The following UST variants were observed in gnomAD, a reference collection of about 807,000 sequenced individuals.
UST encodes chondroitin sulfate 2-O-sulfotransferase.
UST carries 21 observed loss-of-function variants against 45.6 expected under a neutral mutation model. That is an observed-to-expected ratio of 0.46 (90% confidence interval 0.33 to 0.66). The LOEUF (loss-of-function observed/expected upper bound fraction) is 0.66. Ranked by LOEUF, UST falls within the 30% of genes least tolerant of loss-of-function variation. The probability of loss-of-function intolerance (pLI) is 0.02; values close to 1 mark genes in which losing one functional copy is unlikely to be tolerated. For missense variants in UST, 463 were observed against 512.4 expected (o/e 0.90, Z 0.93); for synonymous variants, 215 against 200.6 (o/e 1.07, Z -0.61).
At chr6:149,030,065 T>A (rs994545478) in intron 7 of UST, among the ~76,000 whole-genome samples, 4 of 152,214 alleles carry the variant, frequency 2.6e-5, no homozygotes, top group Admixed American at 6.5e-5. Context: ...ATATAGATGA[T>A]CTCATTTGAT....
At chr6:148,866,892 G>A (rs545221581) in intron 1 of UST, among the ~76,000 whole-genome samples, 3 of 6,848 alleles carry the variant, frequency 4.4e-4, no homozygotes, top group African/African-American at 3.5e-3. Context: ...CCTCCACAAG[G>A]CATTTTTTTT....
intron 5 of UST, among the ~76,000 whole-genome samples, chr6:148,997,055 G>A (rs1445325064): frequency 1.3e-5 from 2 of 152,238 alleles, no homozygotes; most frequent in Non-Finnish European, 2.9e-5. Context: ...AAGGCTTGCA[G>A]CCTTTGCTGT....
intron 1 of UST, among the ~76,000 whole-genome samples, chr6:148,835,028 G>A (rs920727116): frequency 6.6e-6 from 1 of 152,024 alleles, no homozygotes; most frequent in Non-Finnish European, 1.5e-5. Context: ...AATTAAATAG[G>A]AATATAAAAC....
rs1198226693 is a variant in UST, at chr6:148,766,772, G to A, written c.247+19095G>A. ...ACAGATATGTGTTCATTTGGTCAAG[G>A]GTGTATGTGTTAAAAGCTCCATGGG... On this transcript the variant is annotated intron_variant, in intron 1 of 7. Coordinates refer to ENST00000367463, the MANE Select transcript of UST (RefSeq NM_005715.3). 5.3e-5 allele frequency among the ~76,000 whole-genome samples: 8 copies of A among 152,108 alleles called. No homozygotes were observed. The East Asian group carries it at 1.3e-3, about 26-fold the overall frequency.
intron 5 of UST, among the ~76,000 whole-genome samples, chr6:149,013,796 T>C: frequency 6.6e-6 from 1 of 152,236 alleles, no homozygotes. Flanking sequence ...CCATGGGCCA[T>C]ATGGACAAAA....
At chr6:148,772,549 A>C (rs559948214) in intron 1 of UST, among the ~76,000 whole-genome samples, 3 of 151,998 alleles carry the variant, frequency 2.0e-5, no homozygotes, top group Non-Finnish European at 4.4e-5. Context: ...CAGCCTCCTA[A>C]GTAGCTGGGA....
chr6:149,068,954 A>G (rs1776781283), intron 7 of UST, among the ~76,000 whole-genome samples: 1 of 152,158 alleles, frequency 6.6e-6, no homozygotes, highest in South Asian at 2.1e-4. Context: ...CCTTGTGGTC[A>G]ACTTCTTTAG....
intron 7 of UST, among the ~76,000 whole-genome samples, chr6:149,072,635 A>T (rs1225589837): frequency 7.1e-6 from 1 of 140,518 alleles, no homozygotes; most frequent in African/African-American, 2.7e-5. Flanking sequence ...CCTGGACAAC[A>T]AGAGCAAAAC....
intron 7 of UST, among the ~76,000 whole-genome samples, chr6:149,039,795 C>G (rs922186075): frequency 1.3e-5 from 2 of 152,250 alleles, no homozygotes; most frequent in Admixed American, 6.5e-5. Flanking sequence ...GCTCTGTCCT[C>G]TGTCATTTGC....
intron 5 of UST, among the ~76,000 whole-genome samples, chr6:148,986,706 A>G (rs1370605100): frequency 2.6e-5 from 4 of 152,206 alleles, no homozygotes; most frequent in Non-Finnish European, 5.9e-5. Flanking sequence ...TCCCTGACAC[A>G]TTTCTGATGC....
At chr6:148,840,192 T>C (rs1277943075) in intron 1 of UST, among the ~76,000 whole-genome samples, 2 of 152,168 alleles carry the variant, frequency 1.3e-5, no homozygotes, top group Non-Finnish European at 2.9e-5. Flanking sequence ...AGGCAACCTC[T>C]AGGATCCTGG....
At chr6:148,826,932 C>T (rs762865865) in intron 1 of UST, among the ~76,000 whole-genome samples, 1 of 152,138 alleles carries the variant, frequency 6.6e-6, no homozygotes, top group Admixed American at 6.5e-5. Context: ...TTCTGTTCTG[C>T]CTCTCTGTGA....
At position 148,990,764 on chromosome 6, in the gene UST, A is replaced by C. The variant is rs965232072; in HGVS notation, c.681+26201A>C. Reference sequence around the variant, plus strand: ...AAAACTACTCACTTTAAATCATGAGACTAGCTGCAAACTGCAATATTTATA... The same window carrying C: ...AAAACTACTCACTTTAAATCATGAGCCTAGCTGCAAACTGCAATATTTATA... On this transcript the variant is annotated intron_variant, in intron 5 of 7. Transcript: ENST00000367463. Among the ~76,000 whole-genome samples, 9 of 152,332 alleles carry C rather than the reference A, an allele frequency of 5.9e-5. No homozygotes were observed. In the East Asian group the frequency reaches 1.7e-3, roughly 29 times the overall value.
intron 1 of UST, among the ~76,000 whole-genome samples, chr6:148,751,850 C>G (rs567619839): frequency 2.6e-4 from 40 of 152,214 alleles, no homozygotes; most frequent in African/African-American, 9.4e-4. Context: ...CTGCCAGTAG[C>G]CTTATTACTT....
intron 1 of UST, among the ~76,000 whole-genome samples, chr6:148,876,986 G>A (rs1157696766): frequency 1.3e-5 from 1 of 78,282 alleles, no homozygotes; most frequent in African/African-American, 5.8e-5. Flanking sequence ...ATGTATGAGT[G>A]TGGGGGGTCA....
chr6:148,803,730 A>G (rs1246744860), intron 1 of UST, among the ~76,000 whole-genome samples: 1 of 152,208 alleles, frequency 6.6e-6, no homozygotes, highest in Non-Finnish European at 1.5e-5. Flanking sequence ...AGTGTGGCTG[A>G]GGAGGCCCTA....
At chr6:148,957,975 A>G (rs1176497086) in intron 4 of UST, among the ~76,000 whole-genome samples, 1 of 152,214 alleles carries the variant, frequency 6.6e-6, no homozygotes, top group Non-Finnish European at 1.5e-5. Context: ...AGCAGACTGT[A>G]AGGATGAAAG....
At chr6:148,776,347 C>T (rs1007173613) in intron 1 of UST, among the ~76,000 whole-genome samples, 1 of 152,138 alleles carries the variant, frequency 6.6e-6, no homozygotes, top group Non-Finnish European at 1.5e-5. Context: ...TGTGTTCAAT[C>T]CTCTTCTCAG....
At chr6:149,026,679 C>T (rs1582965225) in intron 7 of UST, among the ~76,000 whole-genome samples, 1 of 152,224 alleles carries the variant, frequency 6.6e-6, no homozygotes, top group African/African-American at 2.4e-5. Context: ...TCAATAGCGC[C>T]ACCTAGCATC....
Sources: gnomAD v4.1 joint callset for allele counts (sites outside exome capture counted in the v4.1 genomes callset) on GRCh38, gnomAD v4.1.1 for gene constraint, MANE v1.5 for transcripts, NCBI Gene and HGNC (gene_info 2026-07-23, HGNC 2026-07-21) for gene names.